Variants in PACRG observed in about 807,000 individuals in gnomAD.
PACRG encodes the protein parkin coregulated, also known as parkin coregulated gene protein.
In PACRG, 29 loss-of-function variants were observed where a neutral mutation model predicts 29.7. That is an observed-to-expected ratio of 0.98 (90% CI 0.73 to 1.33). The LOEUF is 1.33. Among genes scored for constraint, PACRG ranks in the 40% most tolerant of loss-of-function variants. PACRG has a pLI of 0.00. For missense variants in PACRG, 279 were observed against 316.2 expected, an observed-to-expected ratio of 0.88 and a Z score of 0.89; for synonymous variants, 116 against 118.7, an observed-to-expected ratio of 0.98 and a Z score of 0.15.
At chr6:163,129,044 TG>T (rs1816627036) in intron 4 of PACRG, among the ~76,000 whole-genome samples, 1 of 149,198 alleles carries the variant, frequency 6.7e-6, no homozygotes, top group South Asian at 2.1e-4. Flanking sequence ...TAAAACCCAT[TG>T]ATGATTGTGG....
At chr6:163,177,333 C>T (rs978021996) in intron 4 of PACRG, among the ~76,000 whole-genome samples, 17 of 152,098 alleles carry the variant, frequency 1.1e-4, no homozygotes, top group African/African-American at 3.1e-4. Flanking sequence ...CCTCTGTTTT[C>T]GAGCATGTCC....
intron 4 of PACRG, among the ~76,000 whole-genome samples, chr6:163,122,193 GA>G (rs1318092690): frequency 3.9e-5 from 6 of 152,006 alleles, no homozygotes; most frequent in Admixed American, 2.0e-4. Flanking sequence ...AATATCTTGA[GA>G]AAAAAATAGA....
chr6:162,763,617 C>G (rs1187536882), intron 1 of PACRG, among the ~76,000 whole-genome samples: 1 of 152,088 alleles, frequency 6.6e-6, no homozygotes. Context: ...TATTGATAAG[C>G]TAATAATTGT....
intron 4 of PACRG, chr6:163,179,476 G>T (rs1398240863): frequency 7.3e-6 from 2 of 274,246 alleles, no homozygotes; most frequent in Non-Finnish European, 1.5e-5. Flanking sequence ...GATGAAGGTG[G>T]ATTGCTTCAG....
chr6:163,156,068 C>G (rs116995782), intron 4 of PACRG, among the ~76,000 whole-genome samples: 1 of 152,212 alleles, frequency 6.6e-6, no homozygotes, highest in Non-Finnish European at 1.5e-5. Context: ...CCCTCGCCGC[C>G]GTGTGCGGAA....
chr6:163,230,715 G>A (rs929365308), intron 4 of PACRG, among the ~76,000 whole-genome samples: 1 of 62,116 alleles, frequency 1.6e-5, no homozygotes, highest in African/African-American at 8.1e-5. Context: ...TCCCTAAAAC[G>A]TGGTTGAATA....
At chr6:163,083,198 G>A (rs1037494853) in intron 3 of PACRG, among the ~76,000 whole-genome samples, 1 of 152,158 alleles carries the variant, frequency 6.6e-6, no homozygotes, top group African/African-American at 2.4e-5. Context: ...AAGTCAAGCT[G>A]GAAACTGCTT....
chr6:163,026,946 G>A (rs1807186925), intron 2 of PACRG, among the ~76,000 whole-genome samples: 1 of 152,118 alleles, frequency 6.6e-6, no homozygotes, highest in South Asian at 2.1e-4. Context: ...GAAGCCCTGG[G>A]GCAGCCAGGT....
chr6:163,213,295 T>A (rs1781227654), intron 4 of PACRG, among the ~76,000 whole-genome samples: 1 of 132,748 alleles, frequency 7.5e-6, no homozygotes, highest in Non-Finnish European at 1.6e-5. Context: ...GTCCAGGGCA[T>A]GAAAGTCAAG....
intron 1 of PACRG, among the ~76,000 whole-genome samples, chr6:162,779,713 T>C (rs1783942901): frequency 1.3e-5 from 2 of 152,240 alleles, no homozygotes; most frequent in Admixed American, 1.3e-4. Flanking sequence ...TATTTGTGCA[T>C]GTCAATTCAA....
rs144890205 is a variant in PACRG, at chr6:163,246,607, C to T, written c.614-68220C>T. On this transcript the variant is annotated intron_variant, in intron 4 of 4. Transcript: ENST00000366888. ...TGAGAACAGGGGCTCTGTCTCACTC[C>T]GTGTCAGCTGCCTCTTGCCCAGAGG... Among the ~76,000 whole-genome samples the T allele has an allele frequency of 6.1e-3, 932 of 152,302 alleles. 12 individuals carry two copies. Among genetic ancestry groups the T allele is most frequent in the South Asian group, 0.049 (235 of 4,826 alleles).
intron 4 of PACRG, among the ~76,000 whole-genome samples, chr6:163,214,981 C>G (rs1357258377): frequency 1.3e-5 from 2 of 152,146 alleles, no homozygotes; most frequent in African/African-American, 2.4e-5. Flanking sequence ...TGTTAACATG[C>G]CTCTTCTCCT....
chr6:162,745,048 A>G (rs530494906), intron 1 of PACRG, among the ~76,000 whole-genome samples: 2 of 152,286 alleles, frequency 1.3e-5, no homozygotes, highest in East Asian at 1.9e-4. Flanking sequence ...CCTGGAAAAT[A>G]TATATTTATA....
intron 2 of PACRG, among the ~76,000 whole-genome samples, chr6:163,006,680 C>T (rs2128206124): frequency 6.6e-6 from 1 of 152,024 alleles, no homozygotes; most frequent in African/African-American, 2.4e-5. Context: ...ACCCCCTTAT[C>T]AATATAAAAT....
intron 2 of PACRG, among the ~76,000 whole-genome samples, chr6:162,887,053 A>G (rs1299319414): frequency 6.6e-6 from 1 of 152,082 alleles, no homozygotes; most frequent in Non-Finnish European, 1.5e-5. Flanking sequence ...GATTACAGGC[A>G]CATGCTACCA....
intron 4 of PACRG, among the ~76,000 whole-genome samples, chr6:163,290,634 G>GCACC (rs1359309998): frequency 6.6e-6 from 1 of 152,140 alleles, no homozygotes; most frequent in Non-Finnish European, 1.5e-5. Context: ...GCTAATCATA[G>GCACC]CACCTGCCTC....
intron 4 of PACRG, chr6:163,183,145 A>G (rs1779752514): frequency 6.6e-6 from 1 of 152,236 alleles, no homozygotes. Context: ...GAAGGCAAAC[A>G]TTCCCACGAC....
chr6:162,882,874 C>G (rs1349452365), intron 2 of PACRG, among the ~76,000 whole-genome samples: 1 of 152,192 alleles, frequency 6.6e-6, no homozygotes, highest in Non-Finnish European at 1.5e-5. Context: ...GTGTTATTTC[C>G]CAAACCTTCA....
At chr6:163,005,595 C>T (rs887589276) in intron 2 of PACRG, among the ~76,000 whole-genome samples, 1 of 151,614 alleles carries the variant, frequency 6.6e-6, no homozygotes, top group African/African-American at 2.4e-5. Context: ...TTTCCTGTTA[C>T]TAATGCTCAT....
Sources: allele counts gnomAD v4.1 joint callset (sites outside exome capture counted in the v4.1 genomes callset), GRCh38; gene constraint gnomAD v4.1.1; transcripts MANE v1.5; gene names NCBI Gene and HGNC (gene_info 2026-07-23, HGNC 2026-07-21).